Variants in AKAP7 observed in about 807,000 individuals in gnomAD.
The protein encoded by AKAP7 is A-kinase anchoring protein 7.
A neutral mutation model predicts 39.5 loss-of-function variants in AKAP7; 39 were observed. The ratio of observed to expected loss-of-function variants is 0.99; its 90% confidence interval spans 0.76 to 1.29. The LOEUF (loss-of-function observed/expected upper bound fraction) is 1.29, where lower values mean the gene tolerates loss of function less well. Ranked by LOEUF, AKAP7 falls within the 50% of genes most tolerant of loss-of-function variation. The pLI is 0.00. For missense variants in AKAP7, 414 were observed against 407.7 expected, an observed-to-expected ratio of 1.02 and a Z score of -0.13; for synonymous variants, 140 against 139.1, an observed-to-expected ratio of 1.01 and a Z score of -0.05.
intron 2 of AKAP7, among the ~76,000 whole-genome samples, chr6:131,155,273 C>A (rs190483543): frequency 7.2e-5 from 11 of 152,172 alleles, no homozygotes; most frequent in Non-Finnish European, 1.5e-4. Flanking sequence ...CTAGGTCTCA[C>A]AAAGTGCTAA....
At chr6:131,164,901 C>G (rs41285332) in intron 3 of AKAP7, among the ~76,000 whole-genome samples, 180 bp from the exon 4 acceptor site, 23,916 of 152,138 alleles carry the variant, frequency 0.16, 2,632 homozygotes, top group Non-Finnish European at 0.23. Context: ...TTAAGCTGTC[C>G]CAGTCAACTA....
At chr6:131,184,784 C>A in intron 5 of AKAP7, 1 of 1,359,482 alleles carries the variant, frequency 7.4e-7, no homozygotes, top group Non-Finnish European at 1.1e-6. Flanking sequence ...TCTTTGTCCT[C>A]GCCCTCCTCA....
At chr6:131,272,762 C>T (rs1313815024) in intron 7 of AKAP7, among the ~76,000 whole-genome samples, 1 of 152,124 alleles carries the variant, frequency 6.6e-6, no homozygotes, top group African/African-American at 2.4e-5. Flanking sequence ...TGTTTTATGG[C>T]TCAGAATGTG....
intron 5 of AKAP7, among the ~76,000 whole-genome samples, chr6:131,180,835 T>G (rs1585026692): frequency 3.3e-5 from 1 of 29,978 alleles, no homozygotes; most frequent in Admixed American, 3.4e-4. Flanking sequence ...GTTTGTTTTG[T>G]TTTTTTTTTT....
intron 5 of AKAP7, among the ~76,000 whole-genome samples, chr6:131,173,018 A>G (rs1231638849): frequency 6.6e-6 from 1 of 152,036 alleles, no homozygotes; most frequent in Non-Finnish European, 1.5e-5. Context: ...AGCCTGGCCA[A>G]TATGGTGAAA....
intron 7 of AKAP7, chr6:131,242,133 A>T (rs1038993781): frequency 1.0e-5 from 10 of 984,572 alleles, no homozygotes; most frequent in Non-Finnish European, 1.2e-5. Flanking sequence ...CAGTTTGTCA[A>T]TTCATGAATT....
chr6:131,277,053 G>A (rs1562261048), intron 7 of AKAP7, among the ~76,000 whole-genome samples: 1 of 152,118 alleles, frequency 6.6e-6, no homozygotes, highest in Admixed American at 6.6e-5. Context: ...TTTTATCCCT[G>A]CAATGATTTG....
At chr6:131,132,600 C>A (rs1288459336), upstream of AKAP7, among the ~76,000 whole-genome samples, 2 of 150,894 alleles carry the variant, frequency 1.3e-5, no homozygotes, top group African/African-American at 4.9e-5. Flanking sequence ...TGGACCACAA[C>A]ACCCCACCGA....
At chr6:131,219,916 A>T in intron 7 of AKAP7, 108 bp downstream of exon 7, 1 of 738,720 alleles carries the variant, frequency 1.4e-6, no homozygotes, top group Admixed American at 4.1e-5. Flanking sequence ...TCTCAATGAT[A>T]TACTTTCCTA....
intron 6 of AKAP7, among the ~76,000 whole-genome samples, chr6:131,213,790 G>A (rs1051160003): frequency 6.6e-6 from 1 of 152,222 alleles, no homozygotes; most frequent in Non-Finnish European, 1.5e-5. Context: ...TGAGAAGAAA[G>A]AATTGAGGTT....
Position 131,153,621 on chromosome 6 carries a change from G to T in AKAP7, c.152-6438G>T, listed in dbSNP as rs59733441. Among the ~76,000 whole-genome samples the T allele has an allele frequency of 9.3e-3, 1,408 of 152,212 alleles. 24 individuals are homozygous for T. Among genetic ancestry groups the T allele is most frequent in the African/African-American group, 0.032 (1,332 of 41,518 alleles). On this transcript the variant is annotated intron_variant, in intron 2 of 7. Transcript: ENST00000431975. The stretch of plus-strand genomic sequence containing the variant: ...TGGGAAGACAGTTTAGTATTAAATA[G>T]ATAAGGTAGTGTTAAATAGGTAAGG...
At chr6:131,178,298 T>G (rs916443087) in intron 5 of AKAP7, among the ~76,000 whole-genome samples, 1 of 152,198 alleles carries the variant, frequency 6.6e-6, no homozygotes, top group Non-Finnish European at 1.5e-5. Context: ...GTTTCTTTAT[T>G]TGTGCAATGG....
intron 5 of AKAP7, among the ~76,000 whole-genome samples, chr6:131,179,991 G>C (rs1413691065): frequency 6.6e-6 from 1 of 152,236 alleles, no homozygotes; most frequent in African/African-American, 2.4e-5. Flanking sequence ...TCCTGCAAAT[G>C]TATGTTTTCC....
At chr6:131,201,853 G>A (rs893369708) in intron 6 of AKAP7, among the ~76,000 whole-genome samples, 2 of 151,970 alleles carry the variant, frequency 1.3e-5, no homozygotes, top group Non-Finnish European at 2.9e-5. Flanking sequence ...ATAGGGAATC[G>A]TTTCCCCATT....
chr6:131,246,542 G>T (rs1003731069), intron 7 of AKAP7, among the ~76,000 whole-genome samples: 1 of 152,088 alleles, frequency 6.6e-6, no homozygotes, highest in Non-Finnish European at 1.5e-5. Context: ...TATTGTCAGG[G>T]ATTATGTTTG....
At chr6:131,151,465 C>T (rs931794932) in intron 2 of AKAP7, among the ~76,000 whole-genome samples, 5 of 150,936 alleles carry the variant, frequency 3.3e-5, no homozygotes, top group African/African-American at 1.2e-4. Context: ...AAATATATGG[C>T]CGGGTGTGGT....
chr6:131,276,576 TGAG>T (rs1814762762), intron 7 of AKAP7, among the ~76,000 whole-genome samples: 2 of 152,046 alleles, frequency 1.3e-5, no homozygotes, highest in African/African-American at 2.4e-5. Flanking sequence ...AATCCACTTC[TGAG>T]GAGGACACCC....
intron 7 of AKAP7, chr6:131,253,257 T>C: frequency 1.3e-6 from 1 of 754,988 alleles, no homozygotes; most frequent in South Asian, 2.1e-5. Context: ...TTTTTTTAAA[T>C]CAACTAGTTG....
upstream of AKAP7, among the ~76,000 whole-genome samples, chr6:131,135,211 C>T (rs1348868973): frequency 6.6e-6 from 1 of 152,220 alleles, no homozygotes; most frequent in Non-Finnish European, 1.5e-5. Flanking sequence ...ATTCTTTCAT[C>T]CTAGTCCCAA....
Sources: allele counts gnomAD v4.1 joint callset (sites outside exome capture counted in the v4.1 genomes callset), GRCh38; gene constraint gnomAD v4.1.1; transcripts MANE v1.5; gene names NCBI Gene and HGNC (gene_info 2026-07-23, HGNC 2026-07-21).